CDH12: variants seen among roughly 807,000 people sequenced by gnomAD.
CDH12 encodes cadherin 12.
In CDH12, 41 loss-of-function variants were observed where a neutral mutation model predicts 74.1. The observed-to-expected ratio is 0.55, with a 90% CI of 0.43 to 0.72. The LOEUF (loss-of-function observed/expected upper bound fraction) is 0.72, where lower values mean the gene tolerates loss of function less well. Among genes scored for constraint, CDH12 ranks in the 30% least tolerant of loss-of-function variants. The pLI, the probability that CDH12 is intolerant of heterozygous loss-of-function variation, is 0.00. For synonymous variants in CDH12, 399 were observed against 355.0 expected, an observed-to-expected ratio of 1.12 and a Z score of -1.39; for missense variants, 945 against 977.2, an observed-to-expected ratio of 0.97 and a Z score of 0.44.
chr5:22,475,386 AC>A (rs1428544259), intron 2 of CDH12, among the ~76,000 whole-genome samples: 1 of 152,020 alleles, frequency 6.6e-6, no homozygotes, highest in Non-Finnish European at 1.5e-5. Flanking sequence ...GATTTAATAT[AC>A]CCTTTCTGGG....
intron 1 of CDH12, among the ~76,000 whole-genome samples, chr5:22,648,895 A>G (rs1446536337): frequency 3.3e-5 from 5 of 151,976 alleles, no homozygotes; most frequent in Admixed American, 3.3e-4. Context: ...CTTTAAGCTT[A>G]ACAAAATATC....
intron 2 of CDH12, among the ~76,000 whole-genome samples, chr5:22,480,187 CTAAGT>C (rs1746329570): frequency 6.6e-6 from 1 of 152,096 alleles, no homozygotes; most frequent in East Asian, 1.9e-4. Flanking sequence ...TGTTGCCTCC[CTAAGT>C]TATTTTTAGG....
chr5:22,305,056 A>T (rs1738044937), intron 3 of CDH12, among the ~76,000 whole-genome samples: 1 of 152,232 alleles, frequency 6.6e-6, no homozygotes, highest in Non-Finnish European at 1.5e-5. Context: ...CAATTTTTTT[A>T]AGTTTTTAAA....
At chr5:22,490,097 A>G (rs1561443389) in intron 2 of CDH12, among the ~76,000 whole-genome samples, 1 of 152,172 alleles carries the variant, frequency 6.6e-6, no homozygotes, top group Non-Finnish European at 1.5e-5. Flanking sequence ...TTTAAGTAAT[A>G]CAATCTTAAT....
chr5:22,421,189 T>G (rs1743637327), intron 2 of CDH12, among the ~76,000 whole-genome samples: 1 of 152,094 alleles, frequency 6.6e-6, no homozygotes, highest in African/African-American at 2.4e-5. Context: ...TTATTTCTTT[T>G]TAAAATTTTT....
chr5:22,796,672 A>C (rs1748237050), intron 1 of CDH12, among the ~76,000 whole-genome samples: 1 of 132,752 alleles, frequency 7.5e-6, no homozygotes, highest in Non-Finnish European at 1.6e-5. Flanking sequence ...GGCGCCCGCC[A>C]CTACGCCCGG....
At chr5:22,760,015 C>G (rs1025800528) in intron 1 of CDH12, among the ~76,000 whole-genome samples, 6 of 152,152 alleles carry the variant, frequency 3.9e-5, no homozygotes, top group Non-Finnish European at 1.5e-5. Context: ...TCAAAGTATT[C>G]AATGTTAATC....
intron 2 of CDH12, among the ~76,000 whole-genome samples, chr5:22,490,116 C>G (rs1406823887): frequency 1.3e-5 from 2 of 151,762 alleles, no homozygotes; most frequent in African/African-American, 2.4e-5. Context: ...ATAGCTAGAG[C>G]AATAGTGACA....
chr5:22,096,061 C>T (rs796927184), intron 4 of CDH12, among the ~76,000 whole-genome samples: 67 of 151,920 alleles, frequency 4.4e-4, no homozygotes, highest in African/African-American at 1.6e-3. Context: ...TGTCTCTACC[C>T]TGCTCTTTAA....
chr5:22,708,473 G>A (rs1314901428), intron 1 of CDH12, among the ~76,000 whole-genome samples: 2 of 152,144 alleles, frequency 1.3e-5, no homozygotes, highest in Non-Finnish European at 2.9e-5. Flanking sequence ...TGACCACACT[G>A]AGTTTGGAGA....
At chr5:22,767,190 G>A (rs1463995381) in intron 1 of CDH12, among the ~76,000 whole-genome samples, 2 of 151,890 alleles carry the variant, frequency 1.3e-5, no homozygotes, top group Admixed American at 6.6e-5. Context: ...GTAAAATCAT[G>A]ATATCTTTTG....
At chr5:21,825,453 C>T (rs762430516) in intron 8 of CDH12, among the ~76,000 whole-genome samples, 2 of 152,150 alleles carry the variant, frequency 1.3e-5, no homozygotes, top group Non-Finnish European at 2.9e-5. Context: ...TCAATACTTT[C>T]TTCTCAATAG....
At chr5:22,511,818 G>T (rs1256766486) in intron 1 of CDH12, among the ~76,000 whole-genome samples, 4 of 152,066 alleles carry the variant, frequency 2.6e-5, no homozygotes, top group Admixed American at 1.3e-4. Context: ...TGGCATTTTT[G>T]AAAAGCATTT....
intron 3 of CDH12, among the ~76,000 whole-genome samples, chr5:22,398,926 A>G (rs1742585506): frequency 6.6e-6 from 1 of 152,046 alleles, no homozygotes; most frequent in Non-Finnish European, 1.5e-5. Context: ...TGTGCAGGGT[A>G]CGTTTGGCTT....
In CDH12 at chr5:22,437,143, A is replaced by G. The variant is rs182427455; in HGVS notation, c.-427-31792T>C. ...TCCATGTAATAAATGTTTAACGCAT[A>G]TTTTTTCTTCAAGAGTCTTAATGAA... On this transcript the variant is annotated intron_variant, in intron 2 of 14. Coordinates refer to ENST00000382254, the MANE Select transcript of CDH12 (RefSeq NM_004061.5). Among the ~76,000 whole-genome samples the G allele has an allele frequency of 3.8e-3, 585 of 152,082 alleles. 3 individuals carry two copies. The highest frequency in any genetic ancestry group is 6.3e-3 in the Non-Finnish European group (430 of 67,962).
intron 5 of CDH12, among the ~76,000 whole-genome samples, chr5:22,027,601 T>C (rs1738457866): frequency 2.0e-5 from 3 of 152,184 alleles, no homozygotes; most frequent in Non-Finnish European, 2.9e-5. Context: ...TTTATTTGCG[T>C]AGAGGTGTTT....
intron 10 of CDH12, 96 bp downstream of exon 10, chr5:21,802,071 T>C (rs1579728147): frequency 1.0e-6 from 1 of 980,202 alleles, no homozygotes; most frequent in African/African-American, 1.6e-5. Flanking sequence ...AATTAAATCA[T>C]CATGCAGTTT....
At chr5:22,576,433 T>G (rs1739792352) in intron 1 of CDH12, among the ~76,000 whole-genome samples, 1 of 152,212 alleles carries the variant, frequency 6.6e-6, no homozygotes, top group Admixed American at 6.5e-5. Flanking sequence ...CATTTGATAT[T>G]TTGAATAGCA....
At chr5:21,948,694 G>T (rs1755688536) in intron 6 of CDH12, among the ~76,000 whole-genome samples, 1 of 152,096 alleles carries the variant, frequency 6.6e-6, no homozygotes, top group Non-Finnish European at 1.5e-5. Context: ...AAATATGTGA[G>T]ATCTGGGAGG....
Sources: gnomAD v4.1 joint callset for allele counts (sites outside exome capture counted in the v4.1 genomes callset) on GRCh38, gnomAD v4.1.1 for gene constraint, MANE v1.5 for transcripts, NCBI Gene and HGNC (gene_info 2026-07-23, HGNC 2026-07-21) for gene names.